Variants in SMAD3 observed in about 807,000 individuals in gnomAD.
SMAD3 encodes SMAD family member 3.
In SMAD3, 12 loss-of-function variants were observed where a neutral mutation model predicts 51.8. The ratio of observed to expected loss-of-function variants is 0.23; its 90% CI spans 0.15 to 0.38. SMAD3 has a LOEUF of 0.38. SMAD3 is among the 10% of genes least tolerant of loss of function. The probability of loss-of-function intolerance (pLI) is 1.00; values close to 1 mark genes in which losing one functional copy is unlikely to be tolerated. For missense variants in SMAD3, 294 were observed against 565.6 expected (o/e 0.52, Z 4.87); for synonymous variants, 238 against 227.7 (o/e 1.05, Z -0.41).
chr15:67,092,700 G>A (rs1244050060), intron 1 of SMAD3, among the ~76,000 whole-genome samples: 2 of 152,232 alleles, frequency 1.3e-5, no homozygotes, highest in Non-Finnish European at 2.9e-5. Flanking sequence ...TGGTGTAGCG[G>A]AAAAGGCACA....
intron 1 of SMAD3, among the ~76,000 whole-genome samples, chr15:67,108,118 GCGTCCTCCA>G (rs1345200933): frequency 6.6e-6 from 1 of 152,180 alleles, no homozygotes; most frequent in Non-Finnish European, 1.5e-5. Flanking sequence ...GGTCTGCACA[GCGTCCTCCA>G]TCTCCTCTCA....
At chr15:67,185,073 T>C (rs1963188076) in intron 7 of SMAD3, among the ~76,000 whole-genome samples, 1 of 152,238 alleles carries the variant, frequency 6.6e-6, no homozygotes, top group Non-Finnish European at 1.5e-5. Context: ...ATCTGATAGG[T>C]CTGCCTTTAA....
At chr15:67,114,566 TGTC>T (rs1184515410) in intron 1 of SMAD3, among the ~76,000 whole-genome samples, 1 of 152,186 alleles carries the variant, frequency 6.6e-6, no homozygotes, top group Non-Finnish European at 1.5e-5. Flanking sequence ...AAGGGGTAGT[TGTC>T]ATTACTTCGC....
intron 1 of SMAD3, among the ~76,000 whole-genome samples, chr15:67,079,263 C>A (rs1960233256): frequency 6.6e-6 from 1 of 152,070 alleles, no homozygotes; most frequent in South Asian, 2.1e-4. Context: ...CAGGTGTAAG[C>A]CACCGCACCT....
chr15:67,093,816 A>G (rs1248015257), intron 1 of SMAD3, among the ~76,000 whole-genome samples: 3 of 152,238 alleles, frequency 2.0e-5, no homozygotes, highest in Admixed American at 6.5e-5. Flanking sequence ...TGCCTCTGGC[A>G]GCACCTAAAA....
At chr15:67,157,101 TG>T (rs1285038365) in intron 1 of SMAD3, among the ~76,000 whole-genome samples, 2 of 144,372 alleles carry the variant, frequency 1.4e-5, no homozygotes, top group Non-Finnish European at 3.2e-5. Flanking sequence ...CCACCTCTGT[TG>T]TTACTATTAC....
chr15:67,157,831 C>G (rs1293229670), intron 1 of SMAD3, among the ~76,000 whole-genome samples: 1 of 152,200 alleles, frequency 6.6e-6, no homozygotes, highest in Non-Finnish European at 1.5e-5. Context: ...ACGGGTCCCG[C>G]TTGAAGCCAA....
chr15:67,120,850 T>G (rs907000560), intron 1 of SMAD3, among the ~76,000 whole-genome samples: 8 of 152,114 alleles, frequency 5.3e-5, no homozygotes, highest in African/African-American at 1.9e-4. Flanking sequence ...GAAAACATTG[T>G]AAGATTTTTT....
chr15:67,176,769 A>T (rs563209228), intron 5 of SMAD3, among the ~76,000 whole-genome samples: 1 of 152,202 alleles, frequency 6.6e-6, no homozygotes, highest in African/African-American at 2.4e-5. Context: ...TCTGGCCGAC[A>T]CCACACTGGT....
At chr15:67,170,727 A>T in intron 5 of SMAD3, 123 bp downstream of exon 5, 1 of 816,016 alleles carries the variant, frequency 1.2e-6, no homozygotes, top group South Asian at 1.5e-5. Context: ...AGCCCAGCTC[A>T]GCCCATCAGG....
intron 1 of SMAD3, among the ~76,000 whole-genome samples, chr15:67,104,427 C>G (rs1447077975): frequency 6.6e-6 from 1 of 152,230 alleles, no homozygotes; most frequent in Non-Finnish European, 1.5e-5. Context: ...CTCAGGCTGT[C>G]CTCTGTGTTC....
chr15:67,169,097 A>C (rs1315762373), intron 4 of SMAD3, among the ~76,000 whole-genome samples: 1 of 152,192 alleles, frequency 6.6e-6, no homozygotes, highest in Non-Finnish European at 1.5e-5. Context: ...GCACAGTCTT[A>C]CTTAATTTTT....
chr15:67,168,014 C>T (rs1192412440), intron 4 of SMAD3, among the ~76,000 whole-genome samples: 1 of 152,196 alleles, frequency 6.6e-6, no homozygotes, highest in African/African-American at 2.4e-5. Flanking sequence ...CGTGTAGTAG[C>T]GCGATCTCAG....
At chr15:67,121,990 G>A (rs1178140507) in intron 1 of SMAD3, among the ~76,000 whole-genome samples, 1 of 152,180 alleles carries the variant, frequency 6.6e-6, no homozygotes, top group East Asian at 1.9e-4. Flanking sequence ...AATTACAAAT[G>A]CTGTCCCTCA....
intron 1 of SMAD3, among the ~76,000 whole-genome samples, chr15:67,111,682 C>T (rs145145726): frequency 6.6e-6 from 1 of 152,128 alleles, no homozygotes; most frequent in East Asian, 1.9e-4. Context: ...TTTATTTTAG[C>T]CATTCTAGTG....
intron 1 of SMAD3, among the ~76,000 whole-genome samples, chr15:67,083,128 C>T (rs1355161006): frequency 2.6e-5 from 4 of 152,176 alleles, no homozygotes. Flanking sequence ...CCAGGTGAGC[C>T]GGGGCATGAA....
intron 5 of SMAD3, among the ~76,000 whole-genome samples, chr15:67,171,010 T>C (rs1188341894): frequency 6.6e-6 from 1 of 152,172 alleles, no homozygotes; most frequent in Non-Finnish European, 1.5e-5. Context: ...TATTTGAGTG[T>C]TTCATCTTAT....
rs1376820618 is a variant in SMAD3, at chr15:67,086,539, A to G, written c.206+20179A>G. Among the ~76,000 whole-genome samples the G allele has an allele frequency of 9.9e-5, 15 of 152,146 alleles. No homozygotes were observed. The East Asian group carries it at 1.5e-3, about 16-fold the overall frequency. On this transcript the variant is annotated intron_variant, in intron 1 of 8. Transcript: ENST00000327367. Reference sequence around the variant, plus strand: ...GAAATGCGCCCTAGGAGGGGAGACTATATCAGTGCTGAAAGCCCTTGAGGG... The same window carrying G: ...GAAATGCGCCCTAGGAGGGGAGACTGTATCAGTGCTGAAAGCCCTTGAGGG...
intron 5 of SMAD3, among the ~76,000 whole-genome samples, chr15:67,174,889 G>A (rs550904371): frequency 2.0e-5 from 3 of 152,362 alleles, no homozygotes; most frequent in East Asian, 3.9e-4. Flanking sequence ...GGAAGGTTGA[G>A]CCTCCTTGCC....
Sources: gnomAD v4.1 joint callset for allele counts (sites outside exome capture counted in the v4.1 genomes callset) on GRCh38, gnomAD v4.1.1 for gene constraint, MANE v1.5 for transcripts, NCBI Gene and HGNC (gene_info 2026-07-23, HGNC 2026-07-21) for gene names.